Variants in SEC14L3 observed in about 807,000 individuals in gnomAD.
SEC14L3 encodes SEC14-like protein 3.
Under a neutral mutation model 57.4 loss-of-function variants are expected in SEC14L3, and 56 were observed. The observed-to-expected ratio is 0.97, with a 90% CI of 0.79 to 1.22. SEC14L3 has a LOEUF of 1.22. SEC14L3 is among the 50% of genes most tolerant of loss of function. SEC14L3 has a pLI of 0.00. For missense variants in SEC14L3, 485 were observed against 511.7 expected (o/e 0.95, Z 0.50); for synonymous variants, 173 against 194.4 (o/e 0.89, Z 0.92).
At position 30,466,981 on chromosome 22, in the gene SEC14L3, C is replaced by G. The variant is rs200869785; in HGVS notation, c.519+1G>C. The G allele has an allele frequency of 1.9e-6, 3 of 1,613,438 alleles. No individual in the cohort carries two copies. Among genetic ancestry groups the G allele is most frequent in the Non-Finnish European group, 2.5e-6 (3 of 1,179,748 alleles). The stretch of plus-strand genomic sequence containing the variant: ...GGGGTGGCCCTAGGACTTCTCCTTA[C>G]CTCCTGGTACACTTCTACCAGAGGT... On this transcript the variant is annotated splice_donor_variant, in intron 6 of 11. Transcript: ENST00000215812. LOFTEE classifies it high-confidence loss of function.
At position 30,461,443 on chromosome 22, in the gene SEC14L3, G is replaced by T. The variant is rs34559544; in HGVS notation, c.948C>A (p.Phe316Leu). 2 of 1,613,942 alleles carry T rather than the reference G, an allele frequency of 1.2e-6. No homozygotes were observed. Among genetic ancestry groups the T allele is most frequent in the Non-Finnish European group, 1.7e-6 (2 of 1,179,916 alleles). The change falls in exon 11 of 12, where the codon TTC becomes TTA. Residue 316 changes from phenylalanine to leucine, a missense_variant. Physicochemically the swap from Phe to Leu is conservative, Grantham distance 22. Transcript: ENST00000215812. Reference sequence around the variant, plus strand: ...CCATCTTGGTCTTCAGGAAAACTCCGAAGCCGATGTCCGCACCATCAGATG... The same window carrying T: ...CCATCTTGGTCTTCAGGAAAACTCCTAAGCCGATGTCCGCACCATCAGATG... The part of the protein sequence containing the change: ...QFSSDGADIG[F>L]GVFLKTKMGE...
intron 5 of SEC14L3, among the ~76,000 whole-genome samples, chr22:30,468,077 G>A (rs900051885): frequency 4.6e-5 from 7 of 151,990 alleles, no homozygotes; most frequent in African/African-American, 9.7e-5. Flanking sequence ...TCAGGAGATC[G>A]AGACCATCCC....
At chr22:30,455,167 A>G (rs1486000402), downstream of SEC14L3, among the ~76,000 whole-genome samples, 2 of 104,540 alleles carry the variant, frequency 1.9e-5, no homozygotes, top group African/African-American at 9.7e-5. Context: ...TTAATATTTA[A>G]TATATTATAT....
chr22:30,454,399 G>C (rs557823667), downstream of SEC14L3, among the ~76,000 whole-genome samples: 13 of 151,318 alleles, frequency 8.6e-5, no homozygotes, highest in South Asian at 2.7e-3. Context: ...TGGAATCTCA[G>C]TCTATTTTGG....
At chr22:30,461,234 C>T in intron 11 of SEC14L3, 76 bp downstream of exon 11, 1 of 1,510,592 alleles carries the variant, frequency 6.6e-7, no homozygotes, top group Non-Finnish European at 8.9e-7. Context: ...GTCACTGCCC[C>T]TCTGTTTCCT....
At position 30,470,259 on chromosome 22, in the gene SEC14L3, T is replaced by C. The variant is rs751037321; in HGVS notation, c.131-4A>G. The C allele has an allele frequency of 1.2e-6, 2 of 1,612,862 alleles. No homozygotes were observed. Among genetic ancestry groups the C allele is most frequent in the African/African-American group, 2.7e-5 (2 of 74,906 alleles). On this transcript the variant is annotated splice_region_variant and splice_polypyrimidine_tract_variant and intron_variant, in intron 2 of 11. Coordinates refer to ENST00000215812, the MANE Select transcript of SEC14L3 (RefSeq NM_174975.5). ...TTCTGCAAGTCAAAATTCCGAGCTG[T>C]GGGAAAACAGAAGGAAGGTGTGAGA...
chr22:30,470,581 A>G lies in SEC14L3; in HGVS notation c.56T>C (p.Phe19Ser). 1 of 1,614,168 alleles carries G rather than the reference A, an allele frequency of 6.2e-7. No individual in the cohort carries two copies. The highest frequency in any genetic ancestry group is 8.5e-7 in the Non-Finnish European group (1 of 1,180,020). Reference protein sequence around the residue: ...SPKQAETLAKFRENVQDVLPA... With the variant: ...SPKQAETLAKSRENVQDVLPA... ...AAGCACATCCTGGACGTTTTCTCGG[A>G]ACTGGCAAGAGAGATGCTGGTTAAA... Residue 19 changes from phenylalanine (F) to serine (S), a missense_variant and splice_region_variant, in exon 2 of 12, where the codon TTC becomes TCC. Coordinates refer to ENST00000215812, the MANE Select transcript of SEC14L3 (RefSeq NM_174975.5).
intron 7 of SEC14L3, among the ~76,000 whole-genome samples, chr22:30,465,936 C>T (rs1227106877): frequency 1.3e-5 from 2 of 152,222 alleles, no homozygotes; most frequent in Non-Finnish European, 2.9e-5. Context: ...AGTGGAGAAT[C>T]ACAGCCCCTG....
Position 30,468,927 on chromosome 22 carries a change from A to C in SEC14L3, c.235-231T>G, listed in dbSNP as rs533981654. 1.8e-5 allele frequency: 27 copies of C among 1,480,658 alleles called. No individual in the cohort carries two copies. In the East Asian group the frequency reaches 6.7e-4, roughly 37 times the overall value. The allele number at this position is 1,480,658 out of a possible 1,614,324, so 91.7% of individuals were successfully genotyped here. On this transcript the variant is annotated intron_variant, in intron 4 of 11. Transcript: ENST00000215812. Reference sequence around the variant, plus strand: ...GTCTCAGCAGGCCCTTGGACTTCTTAGGTCTGCCCCTGATGTCTCCCGTGT... The same window carrying C: ...GTCTCAGCAGGCCCTTGGACTTCTTCGGTCTGCCCCTGATGTCTCCCGTGT...
chr22:30,449,436 T>C (rs75329400), intron 12 of SEC14L3, among the ~76,000 whole-genome samples: 3,003 of 152,250 alleles, frequency 0.02, 97 homozygotes, highest in African/African-American at 0.068. Flanking sequence ...ATAAAAGGTA[T>C]TTTGTGAAAG....
chr22:30,447,808 G>A (rs1273940694), downstream of SEC14L3, among the ~76,000 whole-genome samples: 1 of 152,190 alleles, frequency 6.6e-6, no homozygotes, highest in East Asian at 1.9e-4. Flanking sequence ...GCTGGGGTGG[G>A]TGTCGCTGGA....
At chr22:30,469,995 A>C in intron 4 of SEC14L3, 24 bp downstream of exon 4, 1 of 1,504,408 alleles carries the variant, frequency 6.6e-7, no homozygotes, top group Non-Finnish European at 9.0e-7. Flanking sequence ...TGAAAGACTG[A>C]GGTGTTTGGC....
chr22:30,465,404 A>T (rs537686764), intron 7 of SEC14L3, among the ~76,000 whole-genome samples: 153 of 152,292 alleles, frequency 1.0e-3, no homozygotes, highest in Middle Eastern at 3.4e-3. Flanking sequence ...ATAACCAGCC[A>T]GCCAACCATC....
In SEC14L3 at chr22:30,459,464, C is replaced by T. The variant is rs187748631; in HGVS notation, c.*557G>A. 4.3e-4 allele frequency: 425 copies of T among 985,454 alleles called. 2 individuals carry two copies. The African/African-American group carries it at 6.6e-3, about 15-fold the overall frequency. The allele number at this position is 985,454 out of a possible 1,614,324, so 61.0% of individuals were successfully genotyped here. ...TCTGGAGACTGAATTGTCTGGGTCT[C>T]CAGAAGAGAGTCCAACCCCACCACA... On this transcript the variant is annotated 3_prime_UTR_variant, in exon 12 of 12. Transcript: ENST00000215812.
downstream of SEC14L3, among the ~76,000 whole-genome samples, chr22:30,459,027 CAAAT>C (rs888009893): frequency 3.3e-5 from 5 of 152,014 alleles, no homozygotes; most frequent in African/African-American, 4.8e-5. Context: ...AACAAACAAA[CAAAT>C]AAACAAACAA....
At chr22:30,456,942 G>A (rs1175576889), downstream of SEC14L3, among the ~76,000 whole-genome samples, 1 of 152,190 alleles carries the variant, frequency 6.6e-6, no homozygotes, top group African/African-American at 2.4e-5. Context: ...CTCAGCTCTG[G>A]CCCTGGCCTT....
At position 30,469,428 on chromosome 22, in the gene SEC14L3, C is replaced by T. The variant is rs551755275; in HGVS notation, c.234+591G>A. ...TTTTGTAAAATGGTTTGGATAACCC[C>T]TCACTCTTGGGACTGTTGGGGAAAG... On this transcript the variant is annotated intron_variant, in intron 4 of 11. Transcript: ENST00000215812. Among the ~76,000 whole-genome samples, 15 of 152,328 alleles carry T rather than the reference C, an allele frequency of 9.8e-5. No individual in the cohort carries two copies. The South Asian group carries it at 2.9e-3, about 30-fold the overall frequency.
chr22:30,471,995 A>G lies in SEC14L3; in HGVS notation c.-37T>C, dbSNP rs770904336. 4 of 1,558,152 alleles carry G rather than the reference A, an allele frequency of 2.6e-6. No individual in the cohort carries two copies. The highest frequency in any genetic ancestry group is 3.5e-6 in the Non-Finnish European group (4 of 1,153,060). On this transcript the variant is annotated 5_prime_UTR_variant, in exon 1 of 12. Transcript: ENST00000215812. The stretch of plus-strand genomic sequence containing the variant: ...GGGCTTGAGGAGTGGTGGCCACTAT[A>G]GGCAAGAGGCCAAGCCTAGTTTGTC...
At chr22:30,469,517 C>T (rs1186416436) in intron 4 of SEC14L3, among the ~76,000 whole-genome samples, 2 of 152,186 alleles carry the variant, frequency 1.3e-5, no homozygotes, top group Non-Finnish European at 2.9e-5. Context: ...CAAGTGAAGA[C>T]GTGACCATTA....
Sources: gnomAD v4.1 joint callset for allele counts (sites outside exome capture counted in the v4.1 genomes callset) on GRCh38, gnomAD v4.1.1 for gene constraint, MANE v1.5 for transcripts, NCBI Gene and HGNC (gene_info 2026-07-23, HGNC 2026-07-21) for gene names.